Variants in GRIN2B observed in about 807,000 individuals in gnomAD.
GRIN2B encodes the protein glutamate receptor ionotropic, NMDA 2B.
A neutral mutation model predicts 114.5 loss-of-function variants in GRIN2B; 5 were observed. The observed-to-expected ratio is 0.04, with a 90% CI of 0.02 to 0.09. GRIN2B has a LOEUF of 0.09. GRIN2B is among the 10% of genes least tolerant of loss of function. GRIN2B has a pLI of 1.00. For missense variants in GRIN2B, 1,108 were observed against 1,943.5 expected, an observed-to-expected ratio of 0.57 and a Z score of 8.08; for synonymous variants, 787 against 745.1, an observed-to-expected ratio of 1.06 and a Z score of -0.92.
intron 3 of GRIN2B, among the ~76,000 whole-genome samples, chr12:13,818,847 C>T (rs1299062651): frequency 6.6e-6 from 1 of 152,158 alleles, no homozygotes; most frequent in African/African-American, 2.4e-5. Flanking sequence ...AATCATCATA[C>T]AGGGGTCTCT....
chr12:13,561,793 T>C lies in GRIN2B; in HGVS notation c.*990A>G, dbSNP rs1948548703. On this transcript the variant is annotated 3_prime_UTR_variant, in exon 14 of 14. Transcript: ENST00000609686. ...CCACTGAGGACTTGTTTATGTACCT[T>C]GTTCTTGCAGGATTGCTCACCGCCT... 6.6e-6 allele frequency: 1 copy of C among 152,662 alleles called. No homozygotes were observed. Among genetic ancestry groups the C allele is most frequent in the African/African-American group, 2.4e-5 (1 of 41,462 alleles). The allele number at this position is 152,662 out of a possible 1,614,324, so 9.5% of individuals were successfully genotyped here.
At chr12:13,945,912 C>CT (rs542442338) in intron 2 of GRIN2B, among the ~76,000 whole-genome samples, 3 of 152,164 alleles carry the variant, frequency 2.0e-5, no homozygotes, top group Admixed American at 6.6e-5. Context: ...TGCCAAGCCA[C>CT]TGCTCATATT....
intron 5 of GRIN2B, among the ~76,000 whole-genome samples, chr12:13,646,365 A>G (rs1949761807): frequency 6.6e-6 from 1 of 152,118 alleles, no homozygotes; most frequent in Admixed American, 6.6e-5. Flanking sequence ...AGGCACTGAC[A>G]TTCCTTTTAT....
At chr12:13,607,376 A>ATATATTATATAATATATAT (rs1565473765) in intron 10 of GRIN2B, among the ~76,000 whole-genome samples, 1 of 36,280 alleles carries the variant, frequency 2.8e-5, no homozygotes, top group Non-Finnish European at 5.5e-5. Context: ...ATTATATATT[A>ATATATTATATAATATATAT]TATATATAAT....
chr12:13,759,648 C>T lies in GRIN2B; in HGVS notation c.412-5733G>A, dbSNP rs886678518. On this transcript the variant is annotated intron_variant, in intron 3 of 13. Transcript: ENST00000609686. ...GTCCACTTGCAGTCCTCCTTATCTA[C>T]CAGCAACATTTGATGTTCTTCATCC... 4.6e-5 allele frequency among the ~76,000 whole-genome samples: 7 copies of T among 152,196 alleles called. No individual in the cohort carries two copies. In the South Asian group the frequency reaches 1.0e-3, roughly 22 times the overall value.
At chr12:13,635,079 C>T (rs1949655923) in intron 5 of GRIN2B, among the ~76,000 whole-genome samples, 1 of 152,130 alleles carries the variant, frequency 6.6e-6, no homozygotes, top group Non-Finnish European at 1.5e-5. Context: ...CTGGCACTGC[C>T]CAGAGAGTGA....
intron 10 of GRIN2B, among the ~76,000 whole-genome samples, chr12:13,608,077 G>A (rs138585077): frequency 1.3e-5 from 2 of 152,284 alleles, no homozygotes; most frequent in East Asian, 3.9e-4. Context: ...GCACCACACA[G>A]GGGCAATCAT....
chr12:13,673,580 C>A (rs1037839731), intron 5 of GRIN2B, among the ~76,000 whole-genome samples: 4 of 151,970 alleles, frequency 2.6e-5, no homozygotes, highest in African/African-American at 7.3e-5. Context: ...GTCACATAGT[C>A]CCTGGATCAT....
intron 2 of GRIN2B, among the ~76,000 whole-genome samples, chr12:13,876,836 C>G (rs1865997902): frequency 6.6e-6 from 1 of 150,946 alleles, no homozygotes; most frequent in South Asian, 2.1e-4. Flanking sequence ...ATCTCCAGTA[C>G]TTGGCAAAGC....
chr12:13,898,775 G>A (rs1274377792), intron 2 of GRIN2B, among the ~76,000 whole-genome samples: 2 of 152,190 alleles, frequency 1.3e-5, no homozygotes, highest in African/African-American at 4.8e-5. Context: ...GCTAGGCGTG[G>A]CAGCACATGC....
At position 13,554,381 on chromosome 12, in the gene GRIN2B, A is replaced by G. The variant is rs570980228; in HGVS notation, c.*8402T>C. 1.3e-5 allele frequency: 2 copies of G among 152,310 alleles called. No homozygotes were observed. The highest frequency in any genetic ancestry group is 2.1e-4 in the South Asian group (1 of 4,828). 9.4% of individuals were successfully genotyped at this position (152,310 alleles called of 1,614,324 possible). Reference sequence around the variant, plus strand: ...GTTGTTCTGGTCTTTGAAGACTTATATAGAGGGAATGGATATTATTCAAGA... The same window carrying G: ...GTTGTTCTGGTCTTTGAAGACTTATGTAGAGGGAATGGATATTATTCAAGA... On this transcript the variant is annotated 3_prime_UTR_variant, in exon 14 of 14. Transcript: ENST00000609686.
intron 3 of GRIN2B, among the ~76,000 whole-genome samples, chr12:13,810,513 T>C (rs1036027448): frequency 3.3e-5 from 5 of 152,160 alleles, no homozygotes; most frequent in African/African-American, 1.2e-4. Context: ...GTTTTGTGAA[T>C]ATGCTCATGA....
chr12:13,943,531 C>T (rs1387945825), intron 2 of GRIN2B, among the ~76,000 whole-genome samples: 2 of 152,170 alleles, frequency 1.3e-5, no homozygotes, highest in Non-Finnish European at 1.5e-5. Context: ...CCTTGACTAC[C>T]TCCGTGATCT....
chr12:13,891,545 G>A (rs532195241), intron 2 of GRIN2B, among the ~76,000 whole-genome samples: 41 of 152,238 alleles, frequency 2.7e-4, no homozygotes, highest in African/African-American at 9.6e-4. Flanking sequence ...GGTTAAGACT[G>A]TCAGCAGTCT....
rs1863511522 is a variant in GRIN2B at position 13,753,024 on chromosome 12, A to C, written c.1010+293T>G. ...CTATTCTTTCGTATTGTAAAATAGAAACAATTGTTAAAACCTGACTTATAG... is the reference window on the plus strand; with the variant it reads ...CTATTCTTTCGTATTGTAAAATAGACACAATTGTTAAAACCTGACTTATAG... On this transcript the variant is annotated intron_variant, in intron 4 of 13. Transcript: ENST00000609686. This position sits in a 1 kb window ranked among gnomAD's most constrained non-coding sequence, Gnocchi z 6.2. Among the ~76,000 whole-genome samples, 1 of 152,260 alleles carries C rather than the reference A, an allele frequency of 6.6e-6. No homozygotes were observed. Among genetic ancestry groups the C allele is most frequent in the South Asian group, 2.1e-4 (1 of 4,836 alleles).
chr12:13,853,510 G>A (rs1192897033), intron 3 of GRIN2B, among the ~76,000 whole-genome samples: 1 of 152,206 alleles, frequency 6.6e-6, no homozygotes, highest in Non-Finnish European at 1.5e-5. Context: ...CGCTAATAAA[G>A]TCAGGGCTAT....
At chr12:13,748,763 A>G (rs1422743940) in intron 4 of GRIN2B, among the ~76,000 whole-genome samples, 3 of 152,228 alleles carry the variant, frequency 2.0e-5, no homozygotes, top group Non-Finnish European at 4.4e-5. Context: ...AAGTTCCAAC[A>G]GAAAATTAAT....
At chr12:13,937,650 A>G (rs1434959326) in intron 2 of GRIN2B, among the ~76,000 whole-genome samples, 5 of 152,182 alleles carry the variant, frequency 3.3e-5, no homozygotes, top group South Asian at 4.1e-4. Flanking sequence ...CCAGATCTAC[A>G]AGAAGAAATA....
chr12:13,740,696 T>C (rs1288555611), intron 4 of GRIN2B, among the ~76,000 whole-genome samples: 1 of 152,220 alleles, frequency 6.6e-6, no homozygotes, highest in Admixed American at 6.5e-5. Context: ...CCTTGGCAGG[T>C]TGTAGACCAG....
Sources: gnomAD v4.1 joint callset for allele counts (sites outside exome capture counted in the v4.1 genomes callset) on GRCh38, gnomAD v4.1.1 for gene constraint, Gnocchi (gnomAD v3.1) non-coding constraint, MANE v1.5 for transcripts, NCBI Gene and HGNC (gene_info 2026-07-23, HGNC 2026-07-21) for gene names.